The following PEAK1 variants were observed in gnomAD, a reference collection of about 807,000 sequenced individuals.
PEAK1 encodes pseudopodium enriched atypical kinase 1, also known as inactive tyrosine-protein kinase PEAK1.
In PEAK1, 54 loss-of-function variants were observed where a neutral mutation model predicts 124.7. The ratio of observed to expected loss-of-function variants is 0.43; its 90% CI spans 0.35 to 0.54. PEAK1 has a LOEUF of 0.54. Among genes scored for constraint, PEAK1 ranks in the 20% least tolerant of loss-of-function variants. The pLI, the probability that PEAK1 is intolerant of heterozygous loss-of-function variation, is 0.01. For missense variants in PEAK1, 2,046 were observed against 2,134.5 expected (o/e 0.96, Z 0.82); for synonymous variants, 719 against 760.0 (o/e 0.95, Z 0.89).
At chr15:77,162,493 CAAAAAAAA>C (rs71143393) in intron 7 of PEAK1, among the ~76,000 whole-genome samples, 125 of 70,418 alleles carry the variant, frequency 1.8e-3, no homozygotes, top group African/African-American at 2.8e-3. Flanking sequence ...GACTCCATCT[CAAAAAAAA>C]AAAAAAAAAA....
intron 7 of PEAK1, among the ~76,000 whole-genome samples, chr15:77,163,827 A>G (rs929299799): frequency 4.6e-5 from 7 of 152,204 alleles, no homozygotes; most frequent in Admixed American, 3.9e-4. Context: ...CTAGTTGCCC[A>G]CGACAGCCAA....
intron 6 of PEAK1, among the ~76,000 whole-genome samples, chr15:77,240,652 G>A (rs562845240): frequency 1.3e-5 from 2 of 151,966 alleles, no homozygotes; most frequent in African/African-American, 2.4e-5. Flanking sequence ...TAAACAATAT[G>A]GCCTCAGTTT....
At chr15:77,237,564 CTGAA>C (rs1403392559) in intron 6 of PEAK1, among the ~76,000 whole-genome samples, 1 of 151,620 alleles carries the variant, frequency 6.6e-6, no homozygotes, top group Non-Finnish European at 1.5e-5. Context: ...TTCTTGTATA[CTGAA>C]TGTTTATCTC....
intron 2 of PEAK1, among the ~76,000 whole-genome samples, chr15:77,362,211 T>A (rs917521992): frequency 1.1e-4 from 17 of 152,144 alleles, no homozygotes; most frequent in African/African-American, 4.1e-4. Context: ...GAAGAGGATA[T>A]TGAACATTCC....
intron 2 of PEAK1, among the ~76,000 whole-genome samples, chr15:77,362,995 A>G (rs188852798): frequency 1.5e-4 from 23 of 152,214 alleles, no homozygotes; most frequent in Admixed American, 3.3e-4. Flanking sequence ...AGCTGGGATT[A>G]CAGATGCTCA....
At chr15:77,401,944 A>G in intron 1 of PEAK1, 4 of 977,628 alleles carry the variant, frequency 4.1e-6, no homozygotes, top group Non-Finnish European at 4.9e-6. Flanking sequence ...CACACCTGTA[A>G]TCCCAGCACT....
chr15:77,226,066 T>TATATATATG (rs2059649698), intron 6 of PEAK1, among the ~76,000 whole-genome samples: 6 of 135,362 alleles, frequency 4.4e-5, no homozygotes, highest in African/African-American at 1.6e-4. Context: ...TATATATATA[T>TATATATATG]ATATATATAT....
intron 1 of PEAK1, among the ~76,000 whole-genome samples, chr15:77,379,140 C>A (rs887379486): frequency 2.6e-5 from 4 of 152,132 alleles, no homozygotes; most frequent in Non-Finnish European, 5.9e-5. Flanking sequence ...AGGCAACCTA[C>A]AAATAGTGCT....
chr15:77,200,758 G>A (rs1280449806), intron 6 of PEAK1, among the ~76,000 whole-genome samples: 1 of 152,128 alleles, frequency 6.6e-6, no homozygotes, highest in East Asian at 1.9e-4. Context: ...ACTGAATAAA[G>A]GGCATATTCA....
intron 1 of PEAK1, among the ~76,000 whole-genome samples, chr15:77,405,331 T>C (rs888277885): frequency 1.3e-5 from 2 of 152,114 alleles, no homozygotes; most frequent in Non-Finnish European, 2.9e-5. Context: ...ATAAGATGTA[T>C]ATATACACAA....
chr15:77,400,046 T>C (rs766974220), intron 1 of PEAK1, among the ~76,000 whole-genome samples: 12 of 152,156 alleles, frequency 7.9e-5, no homozygotes, highest in Non-Finnish European at 1.6e-4. Flanking sequence ...AAATGGCAAA[T>C]AGATCTATGA....
chr15:77,165,416 C>T (rs1038179052), intron 7 of PEAK1, among the ~76,000 whole-genome samples: 6 of 152,056 alleles, frequency 3.9e-5, no homozygotes, highest in South Asian at 2.1e-4. Context: ...AGGCTGATCT[C>T]GAACTCCTGA....
At chr15:77,196,913 G>A (rs981703668) in intron 6 of PEAK1, among the ~76,000 whole-genome samples, 7 of 151,958 alleles carry the variant, frequency 4.6e-5, no homozygotes, top group South Asian at 2.1e-4. Context: ...GCAATGGTGC[G>A]ATCATGGCTC....
chr15:77,348,131 C>T (rs775902215), intron 2 of PEAK1: 1 of 983,862 alleles, frequency 1.0e-6, no homozygotes, highest in Non-Finnish European at 1.2e-6. Flanking sequence ...AGATCAAAAA[C>T]TTGCTCTACA....
chr15:77,151,971 G>A (rs552323767), intron 8 of PEAK1, among the ~76,000 whole-genome samples: 1 of 152,262 alleles, frequency 6.6e-6, no homozygotes, highest in Admixed American at 6.5e-5. Context: ...GGCAATGCAG[G>A]CTCTTTTTTG....
chr15:77,179,910 T>C lies in PEAK1; in HGVS notation c.2017A>G (p.Lys673Glu). Residue 673 changes from lysine (K) to glutamate (E), a missense_variant, in exon 7 of 10, where the codon AAA becomes GAA. Transcript: ENST00000682557. ...TTGCTAGTGGTGTTATCAGGCACTT[T>C]GCTTTCTGTTTCTATTTCTTCATAA... ...HTYEEIETES[K>E]VPDNTTSKTT... The C allele has an allele frequency of 6.2e-7, 1 of 1,614,202 alleles. No homozygotes were observed. Among genetic ancestry groups the C allele is most frequent in the South Asian group, 1.1e-5 (1 of 91,090 alleles).
chr15:77,393,307 T>C (rs188964504), intron 1 of PEAK1, among the ~76,000 whole-genome samples: 6 of 152,272 alleles, frequency 3.9e-5, no homozygotes, highest in Non-Finnish European at 7.4e-5. Flanking sequence ...ACCAAGGCAG[T>C]GCTTGAACTC....
intron 1 of PEAK1, chr15:77,370,804 G>A: frequency 1.1e-6 from 1 of 887,986 alleles, no homozygotes; most frequent in Non-Finnish European, 1.3e-6. Flanking sequence ...GGCTGAAGCA[G>A]GCGGATAATG....
intron 1 of PEAK1, among the ~76,000 whole-genome samples, chr15:77,416,448 T>C (rs1162992307): frequency 6.6e-6 from 1 of 152,234 alleles, no homozygotes; most frequent in Non-Finnish European, 1.5e-5. Flanking sequence ...AATAGCTTCC[T>C]AACTGGTCCT....
Sources: gnomAD v4.1 joint callset for allele counts (sites outside exome capture counted in the v4.1 genomes callset) on GRCh38, gnomAD v4.1.1 for gene constraint, MANE v1.5 for transcripts, NCBI Gene and HGNC (gene_info 2026-07-23, HGNC 2026-07-21) for gene names.